ERBB4: variants seen among roughly 807,000 people sequenced by gnomAD.
ERBB4 encodes erb-b2 receptor tyrosine kinase 4.
A neutral mutation model predicts 158.0 loss-of-function variants in ERBB4; 42 were observed. The ratio of observed to expected loss-of-function variants is 0.27; its 90% CI spans 0.21 to 0.34. The LOEUF is 0.34. Ranked by LOEUF, ERBB4 falls within the 10% of genes least tolerant of loss-of-function variation. The pLI, the probability that ERBB4 is intolerant of heterozygous loss-of-function variation, is 1.00. For synonymous variants in ERBB4, 583 were observed against 558.7 expected, an observed-to-expected ratio of 1.04 and a Z score of -0.61; for missense variants, 1,333 against 1,624.1, an observed-to-expected ratio of 0.82 and a Z score of 3.08.
At chr2:212,189,685 A>G (rs1259755881) in intron 1 of ERBB4, among the ~76,000 whole-genome samples, 1 of 152,268 alleles carries the variant, frequency 6.6e-6, no homozygotes, top group East Asian at 1.9e-4. Context: ...ATTAAATAAA[A>G]TATTGCCAAT....
At chr2:212,133,252 A>G (rs548052025) in intron 1 of ERBB4, among the ~76,000 whole-genome samples, 1 of 152,156 alleles carries the variant, frequency 6.6e-6, no homozygotes, top group African/African-American at 2.4e-5. Flanking sequence ...TGACTATAAA[A>G]TCCAAAGTTC....
At chr2:211,980,541 T>A (rs2081760935) in intron 2 of ERBB4, among the ~76,000 whole-genome samples, 3 of 152,200 alleles carry the variant, frequency 2.0e-5, no homozygotes, top group Non-Finnish European at 4.4e-5. Flanking sequence ...TTAAATAATG[T>A]AAGTACAGTC....
chr2:212,256,468 C>T lies in ERBB4; in HGVS notation c.83-131565G>A, dbSNP rs577745741. 4.6e-5 allele frequency among the ~76,000 whole-genome samples: 7 copies of T among 152,144 alleles called. No individual in the cohort carries two copies. In the South Asian group the frequency reaches 1.5e-3, roughly 32 times the overall value. ...TCAGAAACAAGGGACTGTAGATCTG[C>T]ATTACCAAAATGGAAATGGGAAAAA... On this transcript the variant is annotated intron_variant, in intron 1 of 27. Coordinates refer to ENST00000342788, the MANE Select transcript of ERBB4 (RefSeq NM_005235.3).
chr2:212,437,514 T>C (rs1276380254), intron 1 of ERBB4, among the ~76,000 whole-genome samples: 1 of 151,260 alleles, frequency 6.6e-6, no homozygotes, highest in Non-Finnish European at 1.5e-5. Flanking sequence ...AAAAGGAAGA[T>C]TGGTCAAAAG....
rs1471684117 is a variant in ERBB4, at chr2:212,256,545, G to T, written c.83-131642C>A. On this transcript the variant is annotated intron_variant, in intron 1 of 27. Transcript: ENST00000342788. ...AAATCTCTTTCAGAGGTGGAAGGGAGGTGGTGTTATTAAACATTTATTAAG... is the reference window on the plus strand; with the variant it reads ...AAATCTCTTTCAGAGGTGGAAGGGATGTGGTGTTATTAAACATTTATTAAG... Among the ~76,000 whole-genome samples the T allele has an allele frequency of 3.3e-5, 5 of 152,164 alleles. No homozygotes were observed. The East Asian group carries it at 9.6e-4, about 29-fold the overall frequency.
intron 2 of ERBB4, among the ~76,000 whole-genome samples, chr2:212,074,383 A>C (rs951863060): frequency 2.6e-5 from 4 of 152,024 alleles, no homozygotes; most frequent in Non-Finnish European, 5.9e-5. Flanking sequence ...ATTGCGGATT[A>C]TAACTCATGA....
At chr2:211,764,942 C>T (rs1420855676) in intron 4 of ERBB4, among the ~76,000 whole-genome samples, 1 of 152,056 alleles carries the variant, frequency 6.6e-6, no homozygotes, top group Non-Finnish European at 1.5e-5. Context: ...TAGGGAATGA[C>T]TTGCATGGAG....
At chr2:211,700,529 G>T (rs2073193866) in intron 12 of ERBB4, among the ~76,000 whole-genome samples, 1 of 152,050 alleles carries the variant, frequency 6.6e-6, no homozygotes, top group South Asian at 2.1e-4. Flanking sequence ...AAATATAAGA[G>T]AATTCCTCAC....
intron 20 of ERBB4, among the ~76,000 whole-genome samples, chr2:211,514,125 C>G (rs186079532): frequency 6.6e-6 from 1 of 152,112 alleles, no homozygotes; most frequent in East Asian, 1.9e-4. Flanking sequence ...CTCTTCATAC[C>G]CCCTTACCCT....
chr2:212,519,303 T>C (rs1404459889), intron 1 of ERBB4, among the ~76,000 whole-genome samples: 1 of 151,984 alleles, frequency 6.6e-6, no homozygotes, highest in Non-Finnish European at 1.5e-5. Context: ...TGATTCAACT[T>C]TGAGTTACAG....
chr2:212,429,535 C>G (rs1035409526), intron 1 of ERBB4, among the ~76,000 whole-genome samples: 1 of 152,092 alleles, frequency 6.6e-6, no homozygotes, highest in African/African-American at 2.4e-5. Flanking sequence ...TGACAGTTAC[C>G]AAAATTTACT....
At chr2:212,228,340 T>G (rs2083545922) in intron 1 of ERBB4, among the ~76,000 whole-genome samples, 1 of 152,146 alleles carries the variant, frequency 6.6e-6, no homozygotes, top group Non-Finnish European at 1.5e-5. Context: ...ATTTGAGAAT[T>G]ATAAAGTGGT....
At chr2:211,550,089 T>C (rs910277556) in intron 20 of ERBB4, among the ~76,000 whole-genome samples, 30 of 152,124 alleles carry the variant, frequency 2.0e-4, no homozygotes, top group African/African-American at 6.8e-4. Context: ...GATACATGTA[T>C]ACATTGTGAA....
chr2:211,472,586 AAT>A (rs2064854550), intron 20 of ERBB4, among the ~76,000 whole-genome samples: 1 of 151,726 alleles, frequency 6.6e-6, no homozygotes, highest in Admixed American at 6.6e-5. Flanking sequence ...CCCACAGCAT[AAT>A]ATTAAAACTC....
chr2:212,267,526 A>T (rs2085181256), intron 1 of ERBB4, among the ~76,000 whole-genome samples: 1 of 151,652 alleles, frequency 6.6e-6, no homozygotes, highest in Admixed American at 6.6e-5. Context: ...GCATTGAAAT[A>T]AGGTATCTTC....
intron 1 of ERBB4, among the ~76,000 whole-genome samples, chr2:212,520,942 A>G (rs920372609): frequency 6.6e-6 from 1 of 151,980 alleles, no homozygotes; most frequent in African/African-American, 2.4e-5. Flanking sequence ...AATAAATGTG[A>G]AAAACTGTAA....
chr2:211,912,075 G>T (rs1429507536), intron 3 of ERBB4, among the ~76,000 whole-genome samples: 1 of 152,058 alleles, frequency 6.6e-6, no homozygotes. Flanking sequence ...GTGGGGAGAA[G>T]GTACGTAGGA....
chr2:211,805,043 T>C lies in ERBB4; in HGVS notation c.422-16884A>G, dbSNP rs1157145032. 3.3e-5 allele frequency among the ~76,000 whole-genome samples: 5 copies of C among 151,940 alleles called. No individual in the cohort carries two copies. In the East Asian group the frequency reaches 7.7e-4, roughly 24 times the overall value. On this transcript the variant is annotated intron_variant, in intron 3 of 27. Transcript: ENST00000342788. Reference sequence around the variant, plus strand: ...CAAGTGATTCTTCTGCCTTAGCTTATCCAGTAACTAGGATTATAGGCACCT... The same window carrying C: ...CAAGTGATTCTTCTGCCTTAGCTTACCCAGTAACTAGGATTATAGGCACCT...
chr2:212,191,580 CCTGTTATATATAACACATGTGTTAT>C (rs2082206715), intron 1 of ERBB4, among the ~76,000 whole-genome samples: 1 of 46,860 alleles, frequency 2.1e-5, no homozygotes, highest in African/African-American at 6.8e-5. Context: ...ATGTGTTATG[CCTGTTATATATAACACATGTGTTAT>C]GCCTGTTATA....
Sources: gnomAD v4.1 joint callset for allele counts (sites outside exome capture counted in the v4.1 genomes callset) on GRCh38, gnomAD v4.1.1 for gene constraint, MANE v1.5 for transcripts, NCBI Gene and HGNC (gene_info 2026-07-23, HGNC 2026-07-21) for gene names.